The following BRCA1 variants were observed in gnomAD, a reference collection of about 807,000 sequenced individuals.
The protein encoded by BRCA1 is BRCA1 DNA repair associated.
BRCA1 carries 140 observed loss-of-function variants against 173.7 expected under a neutral mutation model. The observed-to-expected ratio is 0.81, with a 90% CI of 0.70 to 0.93. The LOEUF is 0.93. Ranked by LOEUF, BRCA1 falls within the 40% of genes least tolerant of loss-of-function variation. The pLI is 0.00. For missense variants in BRCA1, 1,983 were observed against 2,172.5 expected (o/e 0.91, Z 1.73); for synonymous variants, 662 against 756.0 (o/e 0.88, Z 2.04).
intron 1 of BRCA1, among the ~76,000 whole-genome samples, chr17:43,145,573 G>A (rs1184315473): frequency 6.6e-6 from 1 of 152,098 alleles, no homozygotes; most frequent in African/African-American, 2.4e-5. Flanking sequence ...TGATCCGCCC[G>A]CCTCGGCCTC....
At chr17:43,146,081 A>G (rs1188443526) in intron 1 of BRCA1, among the ~76,000 whole-genome samples, 3 of 152,036 alleles carry the variant, frequency 2.0e-5, no homozygotes, top group Admixed American at 6.6e-5. Context: ...TGTTTTCCTA[A>G]TAACTTTGTT....
chr17:43,048,518 CTTT>C (rs781716310), intron 21 of BRCA1, among the ~76,000 whole-genome samples: 4 of 140,226 alleles, frequency 2.9e-5, no homozygotes, highest in Non-Finnish European at 1.5e-5. Flanking sequence ...CTCTCTCTCT[CTTT>C]TTTTTTTTTT....
intron 1 of BRCA1, among the ~76,000 whole-genome samples, chr17:43,137,744 G>C (rs754156129): frequency 6.6e-6 from 1 of 152,090 alleles, no homozygotes; most frequent in Non-Finnish European, 1.5e-5. Flanking sequence ...GGGCATGGTG[G>C]TGAGCACCTG....
chr17:43,085,514 T>C (rs557821217), intron 11 of BRCA1, among the ~76,000 whole-genome samples: 16 of 152,350 alleles, frequency 1.1e-4, no homozygotes, highest in East Asian at 9.6e-4. Context: ...TTATCTCTCA[T>C]TTCTCCCAAC....
At chr17:43,090,648 T>A (rs552371242) in intron 11 of BRCA1, among the ~76,000 whole-genome samples, 2 of 152,358 alleles carry the variant, frequency 1.3e-5, no homozygotes, top group South Asian at 4.1e-4. Flanking sequence ...GTGCTGGGAT[T>A]AGCAAATGGG....
chr17:43,157,217 C>T (rs1280709205), intron 1 of BRCA1, among the ~76,000 whole-genome samples: 1 of 152,146 alleles, frequency 6.6e-6, no homozygotes, highest in Non-Finnish European at 1.5e-5. Flanking sequence ...GGTCAAGAAA[C>T]CTAAAACAGG....
chr17:43,059,684 C>T (rs1030829173), intron 18 of BRCA1, among the ~76,000 whole-genome samples: 1 of 152,118 alleles, frequency 6.6e-6, no homozygotes, highest in Non-Finnish European at 1.5e-5. Flanking sequence ...ACCTTATCCT[C>T]CAAATTTAAT....
At chr17:43,061,039 T>C (rs1028469084) in intron 18 of BRCA1, among the ~76,000 whole-genome samples, 2 of 151,992 alleles carry the variant, frequency 1.3e-5, no homozygotes, top group Non-Finnish European at 1.5e-5. Flanking sequence ...GGCAGGAGAA[T>C]TGCTTGAACC....
intron 19 of BRCA1, among the ~76,000 whole-genome samples, chr17:43,054,458 G>GTTTTT (rs1303163863): frequency 6.6e-6 from 1 of 152,138 alleles, no homozygotes; most frequent in Non-Finnish European, 1.5e-5. Context: ...GTTTTGTTTT[G>GTTTTT]AGACAAGGTC....
intron 2 of BRCA1, among the ~76,000 whole-genome samples, chr17:43,122,416 T>G (rs2055620479): frequency 6.6e-6 from 1 of 152,202 alleles, no homozygotes; most frequent in Non-Finnish European, 1.5e-5. Context: ...TACAGATGTA[T>G]GTAAACAAAA....
intron 1 of BRCA1, among the ~76,000 whole-genome samples, chr17:43,136,638 A>G (rs1597933445): frequency 6.6e-6 from 1 of 152,364 alleles, no homozygotes; most frequent in East Asian, 1.9e-4. Flanking sequence ...ATGAGCAGAC[A>G]CTTCTCAAAA....
In BRCA1 at chr17:43,094,602, T is replaced by G. The variant is rs1597879098; in HGVS notation, c.929A>C (p.Gln310Pro). Reference protein sequence around the residue: ...EKAEFCNKSKQPGLARSQHNR... With the variant: ...EKAEFCNKSKPPGLARSQHNR... ...ATGTTGGCTCCTTGCTAAGCCAGGC[T>G]GTTTGCTTTTATTACAGAATTCAGC... The change falls in exon 10 of 23, where the codon CAG (glutamine) becomes CCG (proline). Residue 310 changes from glutamine (Q) to proline (P), a missense_variant. Physicochemically the swap from Gln to Pro is moderately conservative, Grantham distance 76. Coordinates refer to ENST00000357654, the MANE Select transcript of BRCA1 (RefSeq NM_007294.4). The G allele has an allele frequency of 6.2e-7, 1 of 1,614,214 alleles. No homozygotes were observed. Among genetic ancestry groups the G allele is most frequent in the South Asian group, 1.1e-5 (1 of 91,082 alleles).
chr17:43,045,866 A>C, intron 22 of BRCA1, 64 bp from the exon 23 acceptor site: 1 of 1,606,226 alleles, frequency 6.2e-7, no homozygotes, highest in South Asian at 1.1e-5. Flanking sequence ...GGCTCTAATC[A>C]ATCGACTCCA....
chr17:43,089,506 T>C (rs1408511843), intron 11 of BRCA1, among the ~76,000 whole-genome samples: 1 of 152,052 alleles, frequency 6.6e-6, no homozygotes, highest in African/African-American at 2.4e-5. Context: ...GACCAAATTA[T>C]TGGCCTTGAC....
rs1057523961 is a variant in BRCA1, at chr17:43,091,744, A to G, written c.3787T>C (p.Leu1263=). ...CTGCAGTCATTTAAGCTATTCTTCA[A>G]TGATAATAAATTCTCCTCTGTGTTC... The part of the protein sequence containing the change: ...SKNTEENLLS[L]KNSLNDCSNQ... The change falls in exon 10 of 23, where the codon TTG becomes CTG. Residue 1263 remains leucine, a synonymous_variant. Coordinates refer to ENST00000357654, the MANE Select transcript of BRCA1 (RefSeq NM_007294.4). The G allele has an allele frequency of 6.2e-7, 1 of 1,614,214 alleles. No individual in the cohort carries two copies.
intron 17 of BRCA1, 73 bp from the exon 18 acceptor site, chr17:43,063,446 AG>A (rs1567768915): frequency 1.6e-6 from 2 of 1,258,530 alleles, no homozygotes; most frequent in Non-Finnish European, 2.3e-6. Flanking sequence ...TAGAGAGGTC[AG>A]CGATTCACAA....
At chr17:43,160,554 T>A (rs2056229814) in intron 1 of BRCA1, 1 of 152,170 alleles carries the variant, frequency 6.6e-6, no homozygotes, top group Admixed American at 6.5e-5. Flanking sequence ...AATCTATAGA[T>A]AACATAACCG....
chr17:43,134,805 T>C (rs2175957), intron 1 of BRCA1, among the ~76,000 whole-genome samples: 1 of 151,802 alleles, frequency 6.6e-6, no homozygotes, highest in Non-Finnish European at 1.5e-5. Context: ...ATACCCCCAA[T>C]AGCTGGTTTT....
chr17:43,158,788 G>A (rs1244675518), intron 1 of BRCA1, among the ~76,000 whole-genome samples: 1 of 152,174 alleles, frequency 6.6e-6, no homozygotes, highest in Non-Finnish European at 1.5e-5. Flanking sequence ...CATTCTGTGG[G>A]ACTAGAGATA....
Sources: allele counts gnomAD v4.1 joint callset (sites outside exome capture counted in the v4.1 genomes callset), GRCh38; gene constraint gnomAD v4.1.1; transcripts MANE v1.5; gene names NCBI Gene and HGNC (gene_info 2026-07-23, HGNC 2026-07-21).